Variants in IGF2BP1 observed in about 807,000 individuals in gnomAD.
IGF2BP1 encodes the protein insulin like growth factor 2 mRNA binding protein 1, also known as insulin-like growth factor 2 mRNA-binding protein 1.
IGF2BP1 carries 11 observed loss-of-function variants against 74.9 expected under a neutral mutation model. That is an observed-to-expected ratio of 0.15 (90% CI 0.09 to 0.24). The LOEUF is 0.24. Ranked by LOEUF, IGF2BP1 falls within the 10% of genes least tolerant of loss-of-function variation. The pLI is 1.00. For synonymous variants in IGF2BP1, 287 were observed against 281.8 expected (o/e 1.02, Z -0.18); for missense variants, 440 against 757.4 (o/e 0.58, Z 4.92).
At chr17:49,025,106 C>T (rs947444467) in intron 2 of IGF2BP1, among the ~76,000 whole-genome samples, 12 of 152,206 alleles carry the variant, frequency 7.9e-5, no homozygotes, top group South Asian at 4.1e-4. Context: ...GCAGGAGAAT[C>T]GCTTGAACCC....
Position 49,049,545 on chromosome 17 carries a change from C to A in IGF2BP1, c.*101C>A. The A allele has an allele frequency of 1.1e-6, 1 of 918,664 alleles. No individual in the cohort carries two copies. Among genetic ancestry groups the A allele is most frequent in the East Asian group, 2.6e-5 (1 of 37,828 alleles). 56.9% of individuals were successfully genotyped at this position (918,664 alleles called of 1,614,324 possible). A position where few individuals can be genotyped will look rare whatever the true frequency, so the allele number is the denominator to read the frequency against. ...GAGAATGAGTGGGAATCCGGGACAC[C>A]TGGGCCGGGCTGTAGATCAGGTTTG... On this transcript the variant is annotated 3_prime_UTR_variant, in exon 15 of 15. Transcript: ENST00000290341.
chr17:49,009,076 G>A lies in IGF2BP1; in HGVS notation c.236+9907G>A, dbSNP rs192483750. 4.1e-4 allele frequency among the ~76,000 whole-genome samples: 63 copies of A among 152,074 alleles called. 1 individual carries two copies. In the East Asian group the frequency reaches 0.012, roughly 28 times the overall value. ...GGAGTCTTGCTCTGTTGCCCAGGCCGGAGTGCTGTGGTGCCATCTTGGCTC... is the reference window on the plus strand; with the variant it reads ...GGAGTCTTGCTCTGTTGCCCAGGCCAGAGTGCTGTGGTGCCATCTTGGCTC... On this transcript the variant is annotated intron_variant, in intron 2 of 14. Transcript: ENST00000290341.
At chr17:49,042,783 ACTC>A (rs1598157678) in intron 9 of IGF2BP1, among the ~76,000 whole-genome samples, 1 of 151,754 alleles carries the variant, frequency 6.6e-6, no homozygotes, top group South Asian at 2.1e-4. Flanking sequence ...CTCAAGGAAT[ACTC>A]CTGCTTCAGC....
At chr17:49,010,549 C>A (rs755610619) in intron 2 of IGF2BP1, among the ~76,000 whole-genome samples, 1 of 152,006 alleles carries the variant, frequency 6.6e-6, no homozygotes. Context: ...ATCTCCTGAC[C>A]TCGTGATCTG....
At chr17:49,014,342 C>T (rs993019571) in intron 2 of IGF2BP1, among the ~76,000 whole-genome samples, 11 of 150,188 alleles carry the variant, frequency 7.3e-5, no homozygotes, top group African/African-American at 2.5e-4. Flanking sequence ...CGCCGTCCCC[C>T]TCAGTGGCCC....
Position 49,052,249 on chromosome 17 carries a change from A to G in IGF2BP1, c.*2805A>G, listed in dbSNP as rs981652302. The stretch of plus-strand genomic sequence containing the variant: ...TTCCATCTCTGGCTCTATATGCTTT[A>G]TCCCAAAACAAAGCAGATAACGTTC... On this transcript the variant is annotated 3_prime_UTR_variant, in exon 15 of 15. Transcript: ENST00000290341. 6.6e-6 allele frequency: 1 copy of G among 152,222 alleles called. No individual in the cohort carries two copies. Among genetic ancestry groups the G allele is most frequent in the Non-Finnish European group, 1.5e-5 (1 of 68,042 alleles). The allele number at this position is 152,222 out of a possible 1,614,324, so 9.4% of individuals were successfully genotyped here.
chr17:49,037,196 C>G (rs377057361), intron 5 of IGF2BP1: 2 of 479,410 alleles, frequency 4.2e-6, no homozygotes, highest in Non-Finnish European at 8.0e-6. Flanking sequence ...GAGAAAAGGC[C>G]AGAGAGAGGT....
rs1567826542 is a variant in IGF2BP1, at chr17:49,042,224, C to G, written c.942-18C>G. On this transcript the variant is annotated intron_variant, in intron 8 of 14. Coordinates refer to ENST00000290341, the MANE Select transcript of IGF2BP1 (RefSeq NM_006546.4). ...CTGGCCTGCCAGTGAAAGGACACAACTCTGCTCTTTCTGCCAGGTTGCAAG... is the reference window on the plus strand; with the variant it reads ...CTGGCCTGCCAGTGAAAGGACACAAGTCTGCTCTTTCTGCCAGGTTGCAAG... 1.2e-6 allele frequency: 2 copies of G among 1,614,126 alleles called. No individual in the cohort carries two copies. Among genetic ancestry groups the G allele is most frequent in the Non-Finnish European group, 1.7e-6 (2 of 1,179,990 alleles).
At chr17:49,005,193 C>G (rs2041536157) in intron 2 of IGF2BP1, among the ~76,000 whole-genome samples, 1 of 152,166 alleles carries the variant, frequency 6.6e-6, no homozygotes, top group South Asian at 2.1e-4. Context: ...AGTTGACTGA[C>G]AAAATATATG....
intron 7 of IGF2BP1, 121 bp downstream of exon 7, chr17:49,040,212 T>C (rs2042035515): frequency 2.7e-6 from 3 of 1,107,966 alleles, no homozygotes. Context: ...CACAAAAAGA[T>C]GTAAACTGAG....
At chr17:49,028,910 C>T (rs534624280) in intron 4 of IGF2BP1, among the ~76,000 whole-genome samples, 54 of 152,274 alleles carry the variant, frequency 3.5e-4, no homozygotes, top group East Asian at 1.7e-3. Context: ...TGGGTTCAAG[C>T]GGTTGTCCTG....
chr17:48,999,997 T>C (rs1267163160), intron 2 of IGF2BP1, among the ~76,000 whole-genome samples: 1 of 151,240 alleles, frequency 6.6e-6, no homozygotes, highest in Non-Finnish European at 1.5e-5. Context: ...ATCCTCTCTC[T>C]TCAGCAAAAT....
chr17:49,005,402 G>C (rs974012879), intron 2 of IGF2BP1, among the ~76,000 whole-genome samples: 1 of 152,216 alleles, frequency 6.6e-6, no homozygotes, highest in Non-Finnish European at 1.5e-5. Context: ...GACTGAAATA[G>C]AGAGCAAACA....
Position 48,999,126 on chromosome 17 carries a change from G to T in IGF2BP1, c.193G>T (p.Gly65Ter). The T allele has an allele frequency of 6.8e-7, 1 of 1,463,930 alleles. No homozygotes were observed. Among genetic ancestry groups the T allele is most frequent in the Non-Finnish European group, 9.2e-7 (1 of 1,087,806 alleles). 90.7% of individuals were successfully genotyped at this position (1,463,930 alleles called of 1,614,324 possible). A position where few individuals can be genotyped will look rare whatever the true frequency, so the allele number is the denominator to read the frequency against. The change falls in exon 2 of 15, where the codon GGA becomes TGA. Residue 65 changes from glycine (G) to a stop codon, truncating the protein, a stop_gained. Transcript: ENST00000290341. LOFTEE classifies it high-confidence loss of function. ...ETFSGKVELQ[G>*]KRLEIEHSVP... ...ATCTTTAGGGAAAGTAGAATTACAAGGAAAACGCTTAGAGATTGAACATTC... is the reference window on the plus strand; with the variant it reads ...ATCTTTAGGGAAAGTAGAATTACAATGAAAACGCTTAGAGATTGAACATTC...
At chr17:49,010,442 C>T (rs531102361) in intron 2 of IGF2BP1, among the ~76,000 whole-genome samples, 15 of 151,640 alleles carry the variant, frequency 9.9e-5, no homozygotes, top group South Asian at 2.1e-4. Flanking sequence ...TCAGCCTCCC[C>T]GAGAAGCTGG....
At chr17:49,027,541 TAA>T (rs1239894218) in intron 4 of IGF2BP1, among the ~76,000 whole-genome samples, 1 of 152,058 alleles carries the variant, frequency 6.6e-6, no homozygotes, top group Non-Finnish European at 1.5e-5. Context: ...GGAAAAATGA[TAA>T]AGAATTCTAG....
At chr17:49,039,156 G>A (rs982036161) in intron 6 of IGF2BP1, among the ~76,000 whole-genome samples, 1 of 152,128 alleles carries the variant, frequency 6.6e-6, no homozygotes, top group African/African-American at 2.4e-5. Context: ...GATTAAAGGC[G>A]TGAGCTACCA....
chr17:49,019,982 CCACACATATATATACACA>C (rs2041770081), intron 2 of IGF2BP1, among the ~76,000 whole-genome samples: 1 of 35,834 alleles, frequency 2.8e-5, no homozygotes, highest in African/African-American at 1.8e-4. Flanking sequence ...ACACATACAC[CCACACATATATATACACA>C]CACACACACA....
chr17:49,025,659 G>C lies in IGF2BP1; in HGVS notation c.278G>C (p.Arg93Pro), dbSNP rs759839830. The change falls in exon 3 of 15, where the codon CGA becomes CCA. Residue 93 changes from arginine (R) to proline (P), a missense_variant. Coordinates refer to ENST00000290341, the MANE Select transcript of IGF2BP1 (RefSeq NM_006546.4). The stretch of plus-strand genomic sequence containing the variant: ...ATCCGAAATATTCCACCCCAGCTCC[G>C]ATGGGAAGTAAGTGTTTGGGGGAAA... ...IQIRNIPPQL[R>P]WEVLDSLLAQ... 5 of 1,611,926 alleles carry C rather than the reference G, an allele frequency of 3.1e-6. No homozygotes were observed. The Admixed American group carries it at 8.3e-5, about 27-fold the overall frequency.
Sources: gnomAD v4.1 joint callset for allele counts (sites outside exome capture counted in the v4.1 genomes callset) on GRCh38, gnomAD v4.1.1 for gene constraint, MANE v1.5 for transcripts, NCBI Gene and HGNC (gene_info 2026-07-23, HGNC 2026-07-21) for gene names.